Variants in IARS1 observed in about 807,000 individuals in gnomAD.
IARS1 encodes isoleucine--tRNA ligase, cytoplasmic.
In IARS1, 124 loss-of-function variants were observed where a neutral mutation model predicts 168.2. The observed-to-expected ratio is 0.74, with a 90% CI of 0.64 to 0.86. The LOEUF (loss-of-function observed/expected upper bound fraction) is 0.86, where lower values mean the gene tolerates loss of function less well. IARS1 is among the 40% of genes least tolerant of loss of function. The probability of loss-of-function intolerance (pLI) is 0.00; values close to 1 mark genes in which losing one functional copy is unlikely to be tolerated. For synonymous variants in IARS1, 532 were observed against 529.4 expected (o/e 1.00, Z -0.07); for missense variants, 1,452 against 1,515.8 (o/e 0.96, Z 0.70).
At position 92,219,863 on chromosome 9, in the gene IARS1, T is replaced by C. The variant is rs1375339065; in HGVS notation, c.3706+2657A>G. Among the ~76,000 whole-genome samples the C allele has an allele frequency of 1.1e-3, 166 of 150,428 alleles. 1 individual carries two copies. The highest frequency in any genetic ancestry group is 1.7e-3 in the Non-Finnish European group (114 of 67,732). On this transcript the variant is annotated intron_variant, in intron 33 of 33. Coordinates refer to ENST00000443024, the MANE Select transcript of IARS1 (RefSeq NM_002161.6). ...ACCATTGTGGAAGTCAGTGTGGCGA[T>C]TCCTCAGGGATCTAGAACTGGAAAT...
intron 23 of IARS1, 114 bp downstream of exon 23, chr9:92,250,599 C>A: frequency 8.3e-7 from 1 of 1,203,430 alleles, no homozygotes; most frequent in African/African-American, 1.5e-5. Context: ...TCAGCTGGGG[C>A]GGGAGGCAAG....
At chr9:92,239,866 C>A (rs142999878) in intron 30 of IARS1, among the ~76,000 whole-genome samples, 4 of 152,238 alleles carry the variant, frequency 2.6e-5, no homozygotes, top group African/African-American at 9.6e-5. Context: ...ATAGTTTTTT[C>A]TATGGTGTCT....
intron 33 of IARS1, among the ~76,000 whole-genome samples, chr9:92,217,224 A>G (rs967913500): frequency 5.9e-5 from 9 of 151,946 alleles, no homozygotes; most frequent in Non-Finnish European, 1.0e-4. Flanking sequence ...TTTGAAACCA[A>G]TGAGAACAAA....
At position 92,210,761 on chromosome 9, in the gene IARS1, G is replaced by C. The variant is rs759845433; in HGVS notation, c.*46C>G. On this transcript the variant is annotated 3_prime_UTR_variant, in exon 34 of 34. Transcript: ENST00000443024. ...TATGTGCATGTATGTGTAGGGGATA[G>C]GTGTAATTAGGGAAGGGCTGACCGA... The C allele has an allele frequency of 1.9e-6, 2 of 1,067,852 alleles. No homozygotes were observed. The highest frequency in any genetic ancestry group is 1.6e-5 in the African/African-American group (1 of 64,392). The allele number at this position is 1,067,852 out of a possible 1,614,324, so 66.1% of individuals were successfully genotyped here. A position where few individuals can be genotyped will look rare whatever the true frequency, so the allele number is the denominator to read the frequency against.
intron 33 of IARS1, among the ~76,000 whole-genome samples, chr9:92,220,274 G>T (rs530641004): frequency 1.1e-4 from 7 of 63,900 alleles, no homozygotes; most frequent in African/African-American, 7.9e-4. Flanking sequence ...GTTGTGGGGT[G>T]GGGGGAGGGG....
At chr9:92,214,808 C>A (rs537614864) in intron 33 of IARS1, among the ~76,000 whole-genome samples, 2 of 152,348 alleles carry the variant, frequency 1.3e-5, no homozygotes, top group South Asian at 4.1e-4. Context: ...GCATAGCAGT[C>A]TGAGATCAAA....
At chr9:92,244,007 G>C (rs765166625) in intron 27 of IARS1, among the ~76,000 whole-genome samples, 1 of 152,152 alleles carries the variant, frequency 6.6e-6, no homozygotes, top group Non-Finnish European at 1.5e-5. Flanking sequence ...TGAGTAAACA[G>C]AGAAGTTAAG....
At chr9:92,278,164 G>A (rs1834027277) in intron 8 of IARS1, 35 bp downstream of exon 8, 2 of 1,286,780 alleles carry the variant, frequency 1.6e-6, no homozygotes, top group Non-Finnish European at 2.3e-6. Flanking sequence ...ACAGACACAT[G>A]CACACAAACA....
Position 92,260,144 on chromosome 9 carries a change from T to G in IARS1, c.1871+7A>C. The G allele has an allele frequency of 6.3e-7, 1 of 1,590,600 alleles. No homozygotes were observed. The highest frequency in any genetic ancestry group is 8.6e-7 in the Non-Finnish European group (1 of 1,158,494). On this transcript the variant is annotated splice_region_variant and intron_variant, in intron 18 of 33. Transcript: ENST00000443024. ...AGATACACACAAGGCAAAGCACTGG[T>G]TTGTACCTGAGGGCATCAGCACCAT... is the stretch of plus-strand genomic sequence containing the variant.
At chr9:92,253,911 T>C (rs529939149) in intron 20 of IARS1, 27 of 454,550 alleles carry the variant, frequency 5.9e-5, no homozygotes, top group African/African-American at 5.0e-4. Context: ...CCAGTGATTC[T>C]CAAACAAAAG....
intron 30 of IARS1, among the ~76,000 whole-genome samples, chr9:92,236,351 A>C (rs1378881246): frequency 3.9e-5 from 6 of 151,990 alleles, no homozygotes; most frequent in African/African-American, 1.4e-4. Flanking sequence ...AAAATGAGTG[A>C]AATGTTCCTT....
chr9:92,224,454 G>C (rs904847585), intron 31 of IARS1, among the ~76,000 whole-genome samples: 2 of 152,204 alleles, frequency 1.3e-5, no homozygotes, highest in African/African-American at 2.4e-5. Flanking sequence ...GGGACTCAAA[G>C]AACAGAATTA....
intron 14 of IARS1, among the ~76,000 whole-genome samples, chr9:92,267,115 A>G (rs1318364433): frequency 6.6e-6 from 1 of 152,192 alleles, no homozygotes; most frequent in African/African-American, 2.4e-5. Context: ...GCAATCAGAC[A>G]AAGCCACAGG....
At position 92,259,018 on chromosome 9, in the gene IARS1, T is replaced by TA. The variant is rs1184500355; in HGVS notation, c.1872-21dup. On this transcript the variant is annotated intron_variant, in intron 18 of 33. Transcript: ENST00000443024. ...TATAATCTGGAAGAGGGAGAAAAATTAGACAGAAAAGGTACTTAGACAGTA... is the reference window on the plus strand; with the variant it reads ...TATAATCTGGAAGAGGGAGAAAAATTAAGACAGAAAAGGTACTTAGACAGTA... 6.3e-7 allele frequency: 1 copy of TA among 1,581,952 alleles called. No individual in the cohort carries two copies. Among genetic ancestry groups the TA allele is most frequent in the African/African-American group, 1.4e-5 (1 of 73,438 alleles).
chr9:92,271,077 C>A lies in IARS1; in HGVS notation c.1114-1G>T, dbSNP rs1157639692. 2.5e-6 allele frequency: 4 copies of A among 1,585,290 alleles called. No individual in the cohort carries two copies. Among genetic ancestry groups the A allele is most frequent in the Non-Finnish European group, 3.4e-6 (4 of 1,165,522 alleles). On this transcript the variant is annotated splice_acceptor_variant, in intron 11 of 33. Transcript: ENST00000443024. LOFTEE classifies it high-confidence loss of function. ...TCCTGATGATACTTTTGTCAGCATC[C>A]TATTAAAAAAAATTAAAATTTAGCC...
intron 25 of IARS1, 34 bp from the exon 26 acceptor site, chr9:92,247,585 G>C (rs765078309): frequency 1.3e-6 from 2 of 1,592,872 alleles, no homozygotes; most frequent in African/African-American, 1.3e-5. Flanking sequence ...ACAAAAATGA[G>C]AAATGAAAAC....
intron 7 of IARS1, 79 bp downstream of exon 7, chr9:92,280,667 G>T: frequency 1.2e-6 from 1 of 856,256 alleles, no homozygotes; most frequent in Non-Finnish European, 1.8e-6. Flanking sequence ...CATGCAAAAA[G>T]AAAGGTAAGC....
chr9:92,240,583 A>G (rs1422809718), intron 30 of IARS1: 1 of 652,678 alleles, frequency 1.5e-6, no homozygotes, highest in Non-Finnish European at 2.8e-6. Context: ...TAATTGAGGC[A>G]GGATCTTATT....
At chr9:92,220,350 T>C (rs564136054) in intron 33 of IARS1, among the ~76,000 whole-genome samples, 1 of 149,182 alleles carries the variant, frequency 6.7e-6, no homozygotes, top group African/African-American at 2.5e-5. Context: ...CGCACCAGCA[T>C]GGCACATGTA....
Sources: allele counts gnomAD v4.1 joint callset (sites outside exome capture counted in the v4.1 genomes callset), GRCh38; gene constraint gnomAD v4.1.1; transcripts MANE v1.5; gene names NCBI Gene and HGNC (gene_info 2026-07-23, HGNC 2026-07-21).